HADHB: variants seen among roughly 807,000 people sequenced by gnomAD.
HADHB encodes the protein trifunctional enzyme subunit beta, mitochondrial.
In HADHB, 50 loss-of-function variants were observed where a neutral mutation model predicts 61.9. That is an observed-to-expected ratio of 0.81 (90% CI 0.64 to 1.02). The LOEUF (loss-of-function observed/expected upper bound fraction) is 1.02, where lower values mean the gene tolerates loss of function less well. Among genes scored for constraint, HADHB ranks in the 50% least tolerant of loss-of-function variants. The pLI is 0.00. For synonymous variants in HADHB, 191 were observed against 201.6 expected (o/e 0.95, Z 0.45); for missense variants, 504 against 586.5 (o/e 0.86, Z 1.45).
chr2:26,244,972 C>G lies in HADHB; in HGVS notation c.-27C>G, dbSNP rs1413999818. 1.4e-5 allele frequency: 4 copies of G among 280,726 alleles called. No individual in the cohort carries two copies. The South Asian group carries it at 1.6e-4, about 11-fold the overall frequency. The allele number at this position is 280,726 out of a possible 1,614,324, so 17.4% of individuals were successfully genotyped here. A position where few individuals can be genotyped will look rare whatever the true frequency, so the allele number is the denominator to read the frequency against. ...CTGAACCTTGCTCCGAGAGGGAGTC[C>G]TCGCGGACGTCAGCCAAGGTGAGAC... is the stretch of plus-strand genomic sequence containing the variant. On this transcript the variant is annotated 5_prime_UTR_variant, in exon 1 of 16. Transcript: ENST00000317799.
intron 1 of HADHB, among the ~76,000 whole-genome samples, chr2:26,247,033 G>A (rs1178236302): frequency 5.9e-5 from 9 of 152,170 alleles, no homozygotes; most frequent in Admixed American, 5.9e-4. Flanking sequence ...ATCAGGATTT[G>A]GACATAGTCT....
intron 4 of HADHB, among the ~76,000 whole-genome samples, chr2:26,264,553 CAAAAA>C (rs34189488): frequency 1.4e-5 from 1 of 73,726 alleles, no homozygotes; most frequent in Non-Finnish European, 2.4e-5. Flanking sequence ...GACTCCATCT[CAAAAA>C]AAAAAAAAAA....
chr2:26,261,632 A>T (rs566306178), intron 3 of HADHB: 1 of 152,740 alleles, frequency 6.5e-6, no homozygotes, highest in African/African-American at 2.4e-5. Flanking sequence ...AAAACTAGCC[A>T]GGTGTGGTGT....
At chr2:26,263,742 C>G (rs1283567777) in intron 4 of HADHB, among the ~76,000 whole-genome samples, 1 of 152,224 alleles carries the variant, frequency 6.6e-6, no homozygotes, top group African/African-American at 2.4e-5. Flanking sequence ...AGATAGCTTG[C>G]TTCCAACAGA....
intron 1 of HADHB, among the ~76,000 whole-genome samples, chr2:26,249,860 A>C (rs186269791): frequency 4.7e-4 from 71 of 152,216 alleles, no homozygotes; most frequent in Non-Finnish European, 6.2e-4. Context: ...TGATCTTGGC[A>C]GAGAGAATGA....
At position 26,289,769 on chromosome 2, in the gene HADHB, C is replaced by T; in HGVS notation, c.1390-149C>T. On this transcript the variant is annotated intron_variant, in intron 15 of 15. Transcript: ENST00000317799. ...TAGAGGAAATTCCAGTTTAGACTGA[C>T]TACAAACTTTCCCAAGATCACAGTG... 4.0e-6 allele frequency: 3 copies of T among 743,000 alleles called. No homozygotes were observed. The South Asian group carries it at 4.2e-5, about 10-fold the overall frequency. 46.0% of individuals were successfully genotyped at this position (743,000 alleles called of 1,614,324 possible). A position where few individuals can be genotyped will look rare whatever the true frequency, so the allele number is the denominator to read the frequency against.
At chr2:26,281,034 T>C (rs571668006) in intron 10 of HADHB, among the ~76,000 whole-genome samples, 1 of 152,138 alleles carries the variant, frequency 6.6e-6, no homozygotes, top group East Asian at 1.9e-4. Context: ...AGGATACCTC[T>C]TCCAGCCCTG....
chr2:26,277,782 A>G (rs1672610587), intron 7 of HADHB, among the ~76,000 whole-genome samples: 1 of 152,208 alleles, frequency 6.6e-6, no homozygotes, highest in African/African-American at 2.4e-5. Flanking sequence ...GCATGAGTAA[A>G]TAGTTTACAA....
At chr2:26,287,393 C>A (rs185919905) in intron 15 of HADHB, among the ~76,000 whole-genome samples, 1 of 152,250 alleles carries the variant, frequency 6.6e-6, no homozygotes, top group East Asian at 1.9e-4. Context: ...CTAGAGCGAT[C>A]CCTCTATCTC....
intron 3 of HADHB, chr2:26,260,921 C>G: frequency 1.3e-6 from 1 of 799,702 alleles, no homozygotes; most frequent in Non-Finnish European, 2.1e-6. Context: ...ACCTGTTCTT[C>G]CTCATGGCAT....
chr2:26,287,868 G>A (rs1056131094), intron 15 of HADHB, among the ~76,000 whole-genome samples: 2 of 152,134 alleles, frequency 1.3e-5, no homozygotes, highest in African/African-American at 4.8e-5. Flanking sequence ...CCCCACCTCT[G>A]CCCCAGGTAC....
chr2:26,283,492 C>G (rs1211138197), intron 12 of HADHB, among the ~76,000 whole-genome samples: 1 of 152,072 alleles, frequency 6.6e-6, no homozygotes, highest in East Asian at 1.9e-4. Flanking sequence ...CCACTGCACT[C>G]CAGCCTGGGC....
intron 15 of HADHB, among the ~76,000 whole-genome samples, chr2:26,286,771 G>C (rs1673049585): frequency 6.7e-6 from 1 of 148,400 alleles, no homozygotes; most frequent in African/African-American, 2.5e-5. Context: ...CTCCCAAAGT[G>C]CTGGGATTAC....
intron 13 of HADHB, 33 bp downstream of exon 13, chr2:26,284,237 T>C (rs1232571734): frequency 5.4e-6 from 6 of 1,106,374 alleles, no homozygotes; most frequent in Non-Finnish European, 8.4e-6. Flanking sequence ...ATGAAGGGAC[T>C]ATAGTCATAA....
intron 6 of HADHB, 140 bp from the exon 7 acceptor site, chr2:26,276,933 T>A (rs1672551303): frequency 4.6e-6 from 3 of 657,106 alleles, no homozygotes; most frequent in Non-Finnish European, 5.7e-6. Flanking sequence ...TGTGATGGAC[T>A]TCATTTGATT....
intron 3 of HADHB, among the ~76,000 whole-genome samples, chr2:26,256,856 G>A (rs1231884670): frequency 5.3e-5 from 8 of 152,156 alleles, no homozygotes; most frequent in African/African-American, 1.9e-4. Context: ...AAATTTTGAT[G>A]TGCTTAGGAG....
At chr2:26,279,404 T>G (rs1266046236) in intron 9 of HADHB, 89 bp downstream of exon 9, 1 of 918,754 alleles carries the variant, frequency 1.1e-6, no homozygotes, top group South Asian at 1.3e-5. Context: ...TCCATAAGTA[T>G]GTTGGTTCTG....
rs1397166386 is a variant in HADHB, at chr2:26,279,142, C to T, written c.638C>T (p.Ala213Val). 13 of 1,612,872 alleles carry T rather than the reference C, an allele frequency of 8.1e-6. No individual in the cohort carries two copies. The highest frequency in any genetic ancestry group is 1.3e-5 in the African/African-American group (1 of 75,014). ...GGATATCTCCTTTCCCAGCTCCCTG[C>T]GGTTTCTGAGTTCTCCACCAGTGAG... ...RFNFLAPELP[A>V]VSEFSTSETM... is the part of the protein sequence containing the mutation. Residue 213 changes from alanine to valine, a missense_variant, in exon 9 of 16, where the codon GCG (alanine) becomes GTG (valine). Transcript: ENST00000317799.
At chr2:26,286,951 C>G (rs539873332) in intron 15 of HADHB, among the ~76,000 whole-genome samples, 1 of 151,610 alleles carries the variant, frequency 6.6e-6, no homozygotes, top group African/African-American at 2.4e-5. Context: ...CGCCTGTAAT[C>G]CCAACACTTT....
Sources: allele counts gnomAD v4.1 joint callset (sites outside exome capture counted in the v4.1 genomes callset), GRCh38; gene constraint gnomAD v4.1.1; transcripts MANE v1.5; gene names NCBI Gene and HGNC (gene_info 2026-07-23, HGNC 2026-07-21).